SAMD12: variants seen among roughly 807,000 people sequenced by gnomAD.
The protein encoded by SAMD12 is sterile alpha motif domain containing 12, also known as sterile alpha motif domain-containing protein 12.
In SAMD12, 9 loss-of-function variants were observed where a neutral mutation model predicts 15.0. The observed-to-expected ratio is 0.60, with a 90% confidence interval of 0.36 to 1.05. SAMD12 has a LOEUF of 1.05. Ranked by LOEUF, SAMD12 falls within the 50% of genes least tolerant of loss-of-function variation. The pLI, the probability that SAMD12 is intolerant of heterozygous loss-of-function variation, is 0.01. For synonymous variants in SAMD12, 86 were observed against 90.1 expected, an observed-to-expected ratio of 0.96 and a Z score of 0.25; for missense variants, 230 against 234.2, an observed-to-expected ratio of 0.98 and a Z score of 0.12.
At chr8:118,363,984 T>C (rs1284827214) in intron 4 of SAMD12, among the ~76,000 whole-genome samples, 1 of 152,234 alleles carries the variant, frequency 6.6e-6, no homozygotes, top group East Asian at 1.9e-4. Context: ...GGAAACTTTA[T>C]ATAGAAATAA....
intron 2 of SAMD12, among the ~76,000 whole-genome samples, chr8:118,562,982 G>A (rs1314808925): frequency 2.0e-5 from 3 of 152,244 alleles, no homozygotes; most frequent in South Asian, 2.1e-4. Flanking sequence ...CTTATAAATC[G>A]CTATATTTGA....
At chr8:118,279,277 T>A (rs1273391735) in intron 4 of SAMD12, among the ~76,000 whole-genome samples, 1 of 152,182 alleles carries the variant, frequency 6.6e-6, no homozygotes, top group Non-Finnish European at 1.5e-5. Context: ...TACAATCAGG[T>A]GGTGTTTAGT....
At chr8:118,138,205 G>A in the SAMD12 span, among the ~76,000 whole-genome samples, 1 of 59,662 alleles carries the variant, frequency 1.7e-5, no homozygotes, top group African/African-American at 3.7e-5. Context: ...CGCTTACTGA[G>A]TGAGTGACTC....
the SAMD12 span, among the ~76,000 whole-genome samples, chr8:118,183,788 A>C: frequency 1.3e-5 from 2 of 152,138 alleles, no homozygotes; most frequent in African/African-American, 4.8e-5. Flanking sequence ...AGTAGTGTAC[A>C]TTGTACCCAG....
chr8:118,242,927 A>G (rs995474569), intron 4 of SAMD12, among the ~76,000 whole-genome samples: 16 of 152,152 alleles, frequency 1.1e-4, no homozygotes, highest in African/African-American at 3.9e-4. Flanking sequence ...GAGAGTAGAC[A>G]ATGGTTTCCC....
At chr8:118,288,807 T>C (rs1221733916) in intron 4 of SAMD12, among the ~76,000 whole-genome samples, 2 of 152,212 alleles carry the variant, frequency 1.3e-5, no homozygotes, top group Non-Finnish European at 2.9e-5. Context: ...CTTTTAAAAA[T>C]TTTTTAGCCT....
chr8:118,451,400 A>G (rs936738164), intron 2 of SAMD12, among the ~76,000 whole-genome samples: 21 of 152,082 alleles, frequency 1.4e-4, no homozygotes, highest in African/African-American at 5.1e-4. Flanking sequence ...ACTCCAACTC[A>G]AGGGCTTTTT....
At chr8:118,503,787 C>T (rs1023814026) in intron 2 of SAMD12, among the ~76,000 whole-genome samples, 1 of 152,112 alleles carries the variant, frequency 6.6e-6, no homozygotes, top group African/African-American at 2.4e-5. Context: ...CAGGCGAAAT[C>T]CAGTTAAAAT....
chr8:118,211,894 A>G lies in SAMD12; in HGVS notation c.434-14162T>C, dbSNP rs567944094. Among the ~76,000 whole-genome samples, 5 of 152,310 alleles carry G rather than the reference A, an allele frequency of 3.3e-5. No homozygotes were observed. The South Asian group carries it at 8.3e-4, about 25-fold the overall frequency. On this transcript the variant is annotated intron_variant, in intron 4 of 4. Transcript: ENST00000409003. ...ATATTCATATCTTTCCAGAACCACC[A>G]ACCTGTGTTGCCCTACCATTTTAAG...
intron 4 of SAMD12, among the ~76,000 whole-genome samples, chr8:118,224,181 A>G (rs1242417802): frequency 6.6e-6 from 1 of 152,208 alleles, no homozygotes; most frequent in African/African-American, 2.4e-5. Context: ...TTGGATCATG[A>G]GAGTGGCTGA....
At chr8:118,601,990 C>A (rs1168600221) in intron 1 of SAMD12, among the ~76,000 whole-genome samples, 1 of 152,150 alleles carries the variant, frequency 6.6e-6, no homozygotes, top group African/African-American at 2.4e-5. Context: ...AAATCAAGAT[C>A]CAGAAGGCTG....
intron 3 of SAMD12, among the ~76,000 whole-genome samples, chr8:118,419,525 G>A (rs1821893508): frequency 6.6e-6 from 1 of 152,136 alleles, no homozygotes; most frequent in African/African-American, 2.4e-5. Flanking sequence ...GACACTAAGT[G>A]GCTTCCCTTT....
chr8:118,522,755 TTTC>T (rs1298163472), intron 2 of SAMD12, among the ~76,000 whole-genome samples: 1 of 152,196 alleles, frequency 6.6e-6, no homozygotes, highest in African/African-American at 2.4e-5. Flanking sequence ...CAGTTTTTAA[TTTC>T]TTTTTTCTTA....
At chr8:118,547,627 CCA>C (rs149116672) in intron 2 of SAMD12, among the ~76,000 whole-genome samples, 3,077 of 152,256 alleles carry the variant, frequency 0.02, 119 homozygotes, top group African/African-American at 0.069. Flanking sequence ...TAAGAGAACT[CCA>C]GTCTTTATGG....
chr8:118,239,398 A>G (rs1812517000), intron 4 of SAMD12, among the ~76,000 whole-genome samples: 1 of 152,156 alleles, frequency 6.6e-6, no homozygotes, highest in Non-Finnish European at 1.5e-5. Context: ...AAACAGCCAT[A>G]TGAAGTTGGA....
At chr8:118,284,079 C>T (rs78772799) in intron 4 of SAMD12, among the ~76,000 whole-genome samples, 2,570 of 152,242 alleles carry the variant, frequency 0.017, 72 homozygotes, top group African/African-American at 0.057. Context: ...AAGGTAACTT[C>T]CGAAGACTGC....
chr8:118,395,474 G>A (rs1365210378), intron 3 of SAMD12, among the ~76,000 whole-genome samples: 5 of 152,146 alleles, frequency 3.3e-5, no homozygotes, highest in Non-Finnish European at 7.3e-5. Context: ...TAGAAAGAAA[G>A]TAAAAGCAAT....
At chr8:118,325,386 A>T (rs550182665) in intron 4 of SAMD12, among the ~76,000 whole-genome samples, 1 of 152,200 alleles carries the variant, frequency 6.6e-6, no homozygotes, top group African/African-American at 2.4e-5. Context: ...GAGAGTGAGA[A>T]GGAAGCTGTG....
chr8:118,142,455 C>T, the SAMD12 span, among the ~76,000 whole-genome samples: 32 of 152,304 alleles, frequency 2.1e-4, no homozygotes, highest in Non-Finnish European at 2.4e-4. Flanking sequence ...TCCTGTCCAT[C>T]CCTACCAAGT....
Sources: allele counts gnomAD v4.1 joint callset (sites outside exome capture counted in the v4.1 genomes callset), GRCh38; gene constraint gnomAD v4.1.1; transcripts MANE v1.5; gene names NCBI Gene and HGNC (gene_info 2026-07-23, HGNC 2026-07-21).